PDZD9: variants seen among roughly 807,000 people sequenced by gnomAD.
PDZD9 encodes the protein PDZ domain containing 9, also known as PDZ domain-containing protein 9.
A neutral mutation model predicts 16.3 loss-of-function variants in PDZD9; 13 were observed. The ratio of observed to expected loss-of-function variants is 0.80; its 90% CI spans 0.52 to 1.27. The LOEUF (loss-of-function observed/expected upper bound fraction) is 1.27, where lower values mean the gene tolerates loss of function less well. PDZD9 is among the 50% of genes most tolerant of loss of function. PDZD9 has a pLI of 0.00. For synonymous variants in PDZD9, 120 were observed against 111.0 expected (o/e 1.08, Z -0.51); for missense variants, 288 against 310.9 (o/e 0.93, Z 0.55).
At chr16:21,984,749 C>T in intron 3 of PDZD9, 89 bp from the exon 4 acceptor site, 1 of 1,024,478 alleles carries the variant, frequency 9.8e-7, no homozygotes, top group Non-Finnish European at 1.3e-6. Flanking sequence ...CTTGCTTTGA[C>T]TCATAAAAGA....
intron 2 of PDZD9, among the ~76,000 whole-genome samples, chr16:21,993,324 A>G (rs151124403): frequency 5.2e-4 from 79 of 152,222 alleles, no homozygotes; most frequent in African/African-American, 1.9e-3. Flanking sequence ...CACCCGGATC[A>G]TCACCCAGCA....
the PDZD9 span, among the ~76,000 whole-genome samples, chr16:21,971,266 T>C: frequency 2.0e-5 from 3 of 152,178 alleles, no homozygotes; most frequent in Non-Finnish European, 4.4e-5. Flanking sequence ...AATGATACCA[T>C]TTTAGAAATA....
chr16:21,965,385 A>G, the PDZD9 span: 3 of 1,609,990 alleles, frequency 1.9e-6, no homozygotes, highest in South Asian at 1.1e-5. Flanking sequence ...ATTTCCCTAA[A>G]TGCTTCTTCA....
the PDZD9 span, among the ~76,000 whole-genome samples, chr16:21,975,720 A>G: frequency 6.6e-6 from 1 of 152,330 alleles, no homozygotes; most frequent in East Asian, 1.9e-4. Context: ...ATAGTAAGAG[A>G]TAGCAGTATT....
chr16:21,986,507 G>A (rs1193754559), intron 3 of PDZD9, among the ~76,000 whole-genome samples: 3 of 152,120 alleles, frequency 2.0e-5, no homozygotes, highest in African/African-American at 7.2e-5. Flanking sequence ...TGTAGGAGTC[G>A]CTGAGTAGGA....
the PDZD9 span, chr16:21,959,930 A>G: frequency 2.0e-5 from 3 of 152,206 alleles, no homozygotes; most frequent in Non-Finnish European, 2.9e-5. Flanking sequence ...TCAGTCAACC[A>G]TGCTATAAAC....
chr16:21,964,282 G>A, the PDZD9 span, among the ~76,000 whole-genome samples: 483 of 152,292 alleles, frequency 3.2e-3, 2 homozygotes, highest in African/African-American at 0.01. Flanking sequence ...ACTGGCGGCA[G>A]TGAGGCACCA....
chr16:21,961,437 G>C, the PDZD9 span: 1 of 270,822 alleles, frequency 3.7e-6, no homozygotes, highest in Non-Finnish European at 7.8e-6. Context: ...AATAGAGTGT[G>C]AACAAGCAAG....
chr16:21,962,766 T>C, the PDZD9 span: 4 of 1,614,148 alleles, frequency 2.5e-6, no homozygotes, highest in East Asian at 4.5e-5. Flanking sequence ...TGTAGTGATA[T>C]TCTAATGGAG....
At chr16:21,971,615 G>A in the PDZD9 span, 17,397 of 1,613,718 alleles carry the variant, frequency 0.011, 1,540 homozygotes, top group African/African-American at 0.2. Context: ...GCCAACTACC[G>A]TGGAGGTAAG....
chr16:21,965,220 T>G, the PDZD9 span, among the ~76,000 whole-genome samples: 1 of 152,244 alleles, frequency 6.6e-6, no homozygotes, highest in Non-Finnish European at 1.5e-5. Context: ...TTTATTTTTT[T>G]CTCAGCACAT....
chr16:21,963,886 G>T, the PDZD9 span, among the ~76,000 whole-genome samples: 1 of 152,086 alleles, frequency 6.6e-6, no homozygotes, highest in East Asian at 1.9e-4. Flanking sequence ...TCTTTATTGA[G>T]TCTTTCCAAA....
At chr16:21,995,147 C>T (rs539465396) in intron 2 of PDZD9, 6 of 435,340 alleles carry the variant, frequency 1.4e-5, no homozygotes, top group African/African-American at 8.1e-5. Context: ...CTCGTGATAG[C>T]GAGTGAGTTC....
At chr16:21,997,088 G>T (rs548686804) in intron 1 of PDZD9, among the ~76,000 whole-genome samples, 9 of 152,298 alleles carry the variant, frequency 5.9e-5, no homozygotes, top group African/African-American at 2.2e-4. Flanking sequence ...CTCCCAAAGT[G>T]CTGGCATTAC....
chr16:21,972,120 G>T, the PDZD9 span: 1 of 1,612,710 alleles, frequency 6.2e-7, no homozygotes, highest in Non-Finnish European at 8.5e-7. Flanking sequence ...GCAGCCATTT[G>T]ATGTGAGTCT....
At chr16:21,985,442 TTTGTTG>T (rs760948159) in intron 3 of PDZD9, among the ~76,000 whole-genome samples, 18 of 152,132 alleles carry the variant, frequency 1.2e-4, no homozygotes, top group Admixed American at 3.9e-4. Context: ...CAGCCAGGTT[TTTGTTG>T]TTGTTGTTGT....
downstream of PDZD9, chr16:21,983,313 C>A: frequency 1.5e-6 from 1 of 673,622 alleles, no homozygotes; most frequent in South Asian, 2.2e-5. Flanking sequence ...TAATTATTCC[C>A]AGCTGACCTA....
the PDZD9 span, chr16:21,961,314 G>A: frequency 2.2e-6 from 1 of 447,932 alleles, no homozygotes; most frequent in African/African-American, 2.0e-5. Context: ...AACGATCTAA[G>A]TGTCCATCTT....
At chr16:21,971,542 C>G in the PDZD9 span, 2 of 1,613,934 alleles carry the variant, frequency 1.2e-6, no homozygotes, top group Non-Finnish European at 1.7e-6. Flanking sequence ...TCATCCTGTT[C>G]TAAAGCAAGT....
Sources: allele counts gnomAD v4.1 joint callset (sites outside exome capture counted in the v4.1 genomes callset), GRCh38; gene constraint gnomAD v4.1.1; transcripts MANE v1.5; gene names NCBI Gene and HGNC (gene_info 2026-07-23, HGNC 2026-07-21).